PRKN: variants seen among roughly 807,000 people sequenced by gnomAD.
PRKN encodes the protein parkin RBR E3 ubiquitin protein ligase, also known as E3 ubiquitin-protein ligase parkin.
PRKN carries 56 observed loss-of-function variants against 59.5 expected under a neutral mutation model. The observed-to-expected ratio is 0.94, with a 90% CI of 0.76 to 1.18. PRKN has a LOEUF of 1.18. Ranked by LOEUF, PRKN falls within the 50% of genes most tolerant of loss-of-function variation. PRKN has a pLI of 0.00. For missense variants in PRKN, 657 were observed against 596.4 expected, an observed-to-expected ratio of 1.10 and a Z score of -1.06; for synonymous variants, 250 against 222.1, an observed-to-expected ratio of 1.13 and a Z score of -1.12.
At chr6:161,662,646 A>G (rs751925353) in intron 7 of PRKN, among the ~76,000 whole-genome samples, 5 of 144,242 alleles carry the variant, frequency 3.5e-5, no homozygotes, top group Non-Finnish European at 6.2e-5. Flanking sequence ...CAACTTTAGC[A>G]AAGTCTCTGA....
intron 9 of PRKN, among the ~76,000 whole-genome samples, chr6:161,392,281 G>A (rs1786545766): frequency 6.6e-6 from 1 of 151,766 alleles, no homozygotes; most frequent in Middle Eastern, 3.2e-3. Context: ...CTACTTGGGA[G>A]GCTGAGGCAG....
At chr6:162,366,301 A>G (rs1170821662) in intron 2 of PRKN, among the ~76,000 whole-genome samples, 1 of 152,088 alleles carries the variant, frequency 6.6e-6, no homozygotes, top group African/African-American at 2.4e-5. Context: ...ATGTCATTCT[A>G]GTTTTCTTCC....
intron 1 of PRKN, among the ~76,000 whole-genome samples, chr6:162,479,925 C>T (rs1474617391): frequency 2.6e-5 from 4 of 151,838 alleles, no homozygotes; most frequent in Admixed American, 2.0e-4. Flanking sequence ...ATTCGCTGGG[C>T]GTGGTGGCGC....
chr6:162,325,284 G>A (rs1198342455), intron 2 of PRKN, among the ~76,000 whole-genome samples: 2 of 152,040 alleles, frequency 1.3e-5, no homozygotes, highest in Admixed American at 6.6e-5. Context: ...TGGGATTTAG[G>A]GTTGCCAAAT....
rs1424470274 is a variant in PRKN at position 161,724,359 on chromosome 6, G to A, written c.871+61413C>T. Among the ~76,000 whole-genome samples the A allele has an allele frequency of 2.6e-5, 4 of 152,326 alleles. No homozygotes were observed. The South Asian group carries it at 8.3e-4, about 32-fold the overall frequency. On this transcript the variant is annotated intron_variant, in intron 7 of 11. Transcript: ENST00000366898. ...AAGCTTATGTATGGACATACTACAA[G>A]TGACAGTCATATTCTGCATTTGTAA...
chr6:161,637,759 T>G (rs942138544), intron 7 of PRKN, among the ~76,000 whole-genome samples: 1 of 152,192 alleles, frequency 6.6e-6, no homozygotes, highest in African/African-American at 2.4e-5. Context: ...TTAAGTTCTT[T>G]GGATTGGCCC....
rs1178833024 is a variant in PRKN at position 161,410,876 on chromosome 6, C to G, written c.1084-23999G>C. Among the ~76,000 whole-genome samples, 1 of 152,014 alleles carries G rather than the reference C, an allele frequency of 6.6e-6. No individual in the cohort carries two copies. The highest frequency in any genetic ancestry group is 1.5e-5 in the Non-Finnish European group (1 of 68,018). ...ACCAAGCAAAGCAACTCATCACCTA[C>G]CCATAAGAATAACAGAAAGGGCCAC... On this transcript the variant is annotated intron_variant, in intron 9 of 11. Transcript: ENST00000366898. The surrounding 1 kb of genome is among the most constrained non-coding windows in gnomAD (Gnocchi z 5.3).
chr6:161,891,619 C>T (rs912701865), intron 6 of PRKN, among the ~76,000 whole-genome samples: 4 of 152,184 alleles, frequency 2.6e-5, no homozygotes, highest in African/African-American at 9.7e-5. Flanking sequence ...ACACCCTAAA[C>T]ATTCCTCCCA....
At chr6:162,155,474 A>G (rs2128314903) in intron 4 of PRKN, among the ~76,000 whole-genome samples, 1 of 152,262 alleles carries the variant, frequency 6.6e-6, no homozygotes, top group South Asian at 2.1e-4. Context: ...AGGAATACAG[A>G]CAGAACTACT....
intron 5 of PRKN, among the ~76,000 whole-genome samples, chr6:162,036,928 C>T (rs1247229864): frequency 6.6e-6 from 1 of 152,022 alleles, no homozygotes; most frequent in East Asian, 1.9e-4. Flanking sequence ...TTCAAGCTTC[C>T]TAGTAATTGG....
At chr6:161,492,929 T>G (rs988600961) in intron 9 of PRKN, among the ~76,000 whole-genome samples, 1 of 152,232 alleles carries the variant, frequency 6.6e-6, no homozygotes, top group African/African-American at 2.4e-5. Flanking sequence ...GGCCCTATCA[T>G]GTTTTATGAT....
rs1046961782 is a variant in PRKN, at chr6:161,371,353, C to T, written c.1168-11148G>A. Reference sequence around the variant, plus strand: ...CTACTTGGGAGGCTGAGGGAGGAGACGGAGTTTCACCATGTTGGCCAGGCT... The same window carrying T: ...CTACTTGGGAGGCTGAGGGAGGAGATGGAGTTTCACCATGTTGGCCAGGCT... On this transcript the variant is annotated intron_variant, in intron 10 of 11. Transcript: ENST00000366898. The surrounding 1 kb of genome is among the most constrained non-coding windows in gnomAD (Gnocchi z 5.5). Among the ~76,000 whole-genome samples, 4 of 151,886 alleles carry T rather than the reference C, an allele frequency of 2.6e-5. No individual in the cohort carries two copies. Among genetic ancestry groups the T allele is most frequent in the African/African-American group, 9.6e-5 (4 of 41,470 alleles).
intron 5 of PRKN, among the ~76,000 whole-genome samples, chr6:161,978,295 C>T (rs781312939): frequency 4.6e-5 from 7 of 152,152 alleles, no homozygotes; most frequent in South Asian, 4.1e-4. Context: ...GGTGATCCAC[C>T]GGCCTCGGCC....
Position 161,545,140 on chromosome 6 carries a change from T to C in PRKN, c.1083+3714A>G. On this transcript the variant is annotated intron_variant, in intron 9 of 11. Transcript: ENST00000366898. The surrounding 1 kb of genome is among the most constrained non-coding windows in gnomAD (Gnocchi z 4.1). ...TGGTTTTCAACTTTTTTATACGCGA[T>C]TTTTTTTGTAACAGCTAACATTTCT... The C allele has an allele frequency of 1.6e-6, 2 of 1,256,858 alleles. No homozygotes were observed. Among genetic ancestry groups the C allele is most frequent in the Non-Finnish European group, 1.0e-6 (1 of 997,934 alleles). The allele number at this position is 1,256,858 out of a possible 1,614,324, so 77.9% of individuals were successfully genotyped here.
rs545261202 is a variant in PRKN, at chr6:161,576,451, C to A, written c.872-7035G>T. On this transcript the variant is annotated intron_variant, in intron 7 of 11. Transcript: ENST00000366898. The surrounding 1 kb of genome is among the most constrained non-coding windows in gnomAD (Gnocchi z 4.6). Reference sequence around the variant, plus strand: ...GAGATATGGAATAGAATATTTACTGCGACATTTTTGTAATAACAGCAACAA... The same window carrying A: ...GAGATATGGAATAGAATATTTACTGAGACATTTTTGTAATAACAGCAACAA... Among the ~76,000 whole-genome samples, 1 of 152,120 alleles carries A rather than the reference C, an allele frequency of 6.6e-6. No homozygotes were observed. Among genetic ancestry groups the A allele is most frequent in the Non-Finnish European group, 1.5e-5 (1 of 68,020 alleles).
At chr6:162,126,087 A>T (rs1420877192) in intron 4 of PRKN, among the ~76,000 whole-genome samples, 1 of 152,194 alleles carries the variant, frequency 6.6e-6, no homozygotes, top group African/African-American at 2.4e-5. Context: ...TGAGCAACAT[A>T]ATAATATTTT....
intron 2 of PRKN, among the ~76,000 whole-genome samples, chr6:162,348,839 C>T (rs1260102415): frequency 1.3e-5 from 2 of 152,004 alleles, no homozygotes; most frequent in African/African-American, 4.8e-5. Context: ...TAAAAATCAA[C>T]AGCAAATTAG....
intron 1 of PRKN, among the ~76,000 whole-genome samples, chr6:162,515,461 G>C (rs575015673): frequency 6.6e-6 from 1 of 152,212 alleles, no homozygotes; most frequent in African/African-American, 2.4e-5. Flanking sequence ...AAGCCATATA[G>C]TCATGTTAAT....
rs1351935019 is a variant in PRKN at position 161,414,085 on chromosome 6, G to A, written c.1084-27208C>T. On this transcript the variant is annotated intron_variant, in intron 9 of 11. Transcript: ENST00000366898. This position sits in a 1 kb window ranked among gnomAD's most constrained non-coding sequence, Gnocchi z 5.3. Reference sequence around the variant, plus strand: ...GGTGGGGAGGGTCAGTGAGGGCAGGGTACTGGTGTCATTTTAATTCAGACT... The same window carrying A: ...GGTGGGGAGGGTCAGTGAGGGCAGGATACTGGTGTCATTTTAATTCAGACT... 1.3e-5 allele frequency among the ~76,000 whole-genome samples: 2 copies of A among 152,144 alleles called. No homozygotes were observed. The highest frequency in any genetic ancestry group is 1.3e-4 in the Admixed American group (2 of 15,266).
Sources: allele counts gnomAD v4.1 joint callset (sites outside exome capture counted in the v4.1 genomes callset), GRCh38; gene constraint gnomAD v4.1.1; non-coding constraint Gnocchi (gnomAD v3.1); transcripts MANE v1.5; gene names NCBI Gene and HGNC (gene_info 2026-07-23, HGNC 2026-07-21).